The following OR8K3 variants were observed in gnomAD, a reference collection of about 807,000 sequenced individuals.
OR8K3 encodes the protein olfactory receptor family 8 subfamily K member 3 (gene/pseudogene), also known as olfactory receptor 8K3.
For synonymous variants in OR8K3, 167 were observed against 138.8 expected, an observed-to-expected ratio of 1.20 and a Z score of -1.43; for missense variants, 448 against 367.4, an observed-to-expected ratio of 1.22 and a Z score of -1.79.
intron 2 of OR8K3, among the ~76,000 whole-genome samples, chr11:56,317,625 G>A (rs937387149): frequency 2.0e-5 from 3 of 151,996 alleles, no homozygotes; most frequent in Admixed American, 6.6e-5. Flanking sequence ...TGGAATCTGT[G>A]ACAGAAATTT....
rs1428346846 is a variant in OR8K3 at position 56,318,349 on chromosome 11, A to G, written c.43A>G (p.Thr15Ala). Residue 15 changes from threonine to alanine, a missense_variant, in exon 3 of 3, where the codon ACG becomes GCG. Transcript: ENST00000641662. ...AACAACGGTGAATGAATTCATTCTTACGGGAATCACAGATATCGCTGAGCT... is the reference window on the plus strand; with the variant it reads ...AACAACGGTGAATGAATTCATTCTTGCGGGAATCACAGATATCGCTGAGCT... ...NLTTVNEFIL[T>A]GITDIAELQA... 1.9e-6 allele frequency: 3 copies of G among 1,613,922 alleles called. No homozygotes were observed. The East Asian group carries it at 6.7e-5, about 36-fold the overall frequency.
chr11:56,319,507 A>AAAAAGGGAGAC lies in OR8K3; in HGVS notation c.*265_*275dup, dbSNP rs1854496725. 8.5e-6 allele frequency: 3 copies of AAAAAGGGAGAC among 351,062 alleles called. No homozygotes were observed. In the East Asian group the frequency reaches 1.4e-4, roughly 17 times the overall value. 21.7% of individuals were successfully genotyped at this position (351,062 alleles called of 1,614,324 possible). A position where few individuals can be genotyped will look rare whatever the true frequency, so the allele number is the denominator to read the frequency against. ...TGTGCACGATGGATATAGACAAAGA[A>AAAAAGGGAGAC]AAAAGGGAGACAAGGAAAGCTAGTA... On this transcript the variant is annotated 3_prime_UTR_variant, in exon 3 of 3. Transcript: ENST00000641662.
Position 56,319,606 on chromosome 11 carries a change from C to A in OR8K3, c.*361C>A, listed in dbSNP as rs1049017047. ...GGATTCCAGTGTTTTTTATCTGCTA[C>A]TGGAATAAAATTTACAGTGTGTGTG... On this transcript the variant is annotated 3_prime_UTR_variant, in exon 3 of 3. Coordinates refer to ENST00000641662, the MANE Select transcript of OR8K3 (RefSeq NM_001005202.2). The A allele has an allele frequency of 4.8e-5, 9 of 189,318 alleles. No homozygotes were observed. Among genetic ancestry groups the A allele is most frequent in the Non-Finnish European group, 9.9e-5 (9 of 90,858 alleles). The allele number at this position is 189,318 out of a possible 1,614,324, so 11.7% of individuals were successfully genotyped here.
At chr11:56,317,192 G>A (rs762651710) in intron 2 of OR8K3, among the ~76,000 whole-genome samples, 17 of 151,974 alleles carry the variant, frequency 1.1e-4, no homozygotes, top group Non-Finnish European at 2.2e-4. Flanking sequence ...GTAAGGCATT[G>A]TCACAATTAA....
intron 2 of OR8K3, among the ~76,000 whole-genome samples, chr11:56,318,030 C>T (rs1335270729): frequency 1.3e-5 from 2 of 152,086 alleles, no homozygotes; most frequent in Non-Finnish European, 1.5e-5. Flanking sequence ...GGCCCACCTC[C>T]AAATTGTGAT....
Position 56,320,107 on chromosome 11 carries a change from G to A in OR8K3, c.*862G>A, listed in dbSNP as rs1854506111. ...TGTGGTTAAAATTTGTGTTCCAGTT[G>A]TTTTTACATCTTTGAGGAGGGGGAC... On this transcript the variant is annotated 3_prime_UTR_variant, in exon 3 of 3. Transcript: ENST00000641662. 1 of 152,120 alleles carries A rather than the reference G, an allele frequency of 6.6e-6. No homozygotes were observed. Among genetic ancestry groups the A allele is most frequent in the Non-Finnish European group, 1.5e-5 (1 of 68,016 alleles). 9.4% of individuals were successfully genotyped at this position (152,120 alleles called of 1,614,324 possible).
At chr11:56,316,228 T>C (rs1854441376) in intron 2 of OR8K3, among the ~76,000 whole-genome samples, 171 bp downstream of exon 2, 2 of 151,978 alleles carry the variant, frequency 1.3e-5, no homozygotes, top group Non-Finnish European at 2.9e-5. Context: ...GGTGTGTTCA[T>C]TGAGTCAGGG....
At chr11:56,315,961 A>C (rs1379913315) in intron 1 of OR8K3, 39 bp from the exon 2 acceptor site, 2 of 152,078 alleles carry the variant, frequency 1.3e-5, no homozygotes, top group Non-Finnish European at 2.9e-5. Context: ...CAACAAAGAC[A>C]GCAAAATATG....
In OR8K3 at chr11:56,320,006, C is replaced by T. The variant is rs1438875629; in HGVS notation, c.*761C>T. 1 of 152,120 alleles carries T rather than the reference C, an allele frequency of 6.6e-6. No individual in the cohort carries two copies. Among genetic ancestry groups the T allele is most frequent in the Non-Finnish European group, 1.5e-5 (1 of 68,026 alleles). The allele number at this position is 152,120 out of a possible 1,614,324, so 9.4% of individuals were successfully genotyped here. On this transcript the variant is annotated 3_prime_UTR_variant, in exon 3 of 3. Coordinates refer to ENST00000641662, the MANE Select transcript of OR8K3 (RefSeq NM_001005202.2). Reference sequence around the variant, plus strand: ...ATAGAAATTCTCAGGTTTATTCTTTCTCTCTAGTTGTTCTTGCTTAATAAC... The same window carrying T: ...ATAGAAATTCTCAGGTTTATTCTTTTTCTCTAGTTGTTCTTGCTTAATAAC...
At position 56,318,229 on chromosome 11, in the gene OR8K3, A is replaced by T. The variant is rs968683547; in HGVS notation, c.-23-55A>T. The T allele has an allele frequency of 5.1e-6, 5 of 988,204 alleles. No individual in the cohort carries two copies. In the African/African-American group the frequency reaches 6.5e-5, roughly 13 times the overall value. The allele number at this position is 988,204 out of a possible 1,614,324, so 61.2% of individuals were successfully genotyped here. A position where few individuals can be genotyped will look rare whatever the true frequency, so the allele number is the denominator to read the frequency against. On this transcript the variant is annotated intron_variant, in intron 2 of 2. Coordinates refer to ENST00000641662, the MANE Select transcript of OR8K3 (RefSeq NM_001005202.2). ...CTTCTGTTAGCTTTGCATACTAAAA[A>T]ATTTCTCAGGTGATGATAGAGGAAA... is the stretch of plus-strand genomic sequence containing the variant.
Position 56,318,450 on chromosome 11 carries a change from C to T in OR8K3, c.144C>T (p.Leu48=). 2 of 1,614,070 alleles carry T rather than the reference C, an allele frequency of 1.2e-6. No individual in the cohort carries two copies. The highest frequency in any genetic ancestry group is 1.7e-5 in the Admixed American group (1 of 59,998). Residue 48 remains leucine, a synonymous_variant, in exon 3 of 3, where the codon CTC becomes CTT. Coordinates refer to ENST00000641662, the MANE Select transcript of OR8K3 (RefSeq NM_001005202.2). ...TGGGCAATTTGGGCATGATTGTCCT[C>T]ACCAAGTTGGACTCCAGGTTGCAAA... ...SVMGNLGMIV[L]TKLDSRLQTP...
At chr11:56,317,217 A>G (rs1475321909) in intron 2 of OR8K3, among the ~76,000 whole-genome samples, 3 of 152,130 alleles carry the variant, frequency 2.0e-5, no homozygotes, top group African/African-American at 4.8e-5. Flanking sequence ...AATAACAAGA[A>G]GAAGAAAACT....
intron 2 of OR8K3, among the ~76,000 whole-genome samples, chr11:56,316,538 T>C: frequency 6.6e-6 from 1 of 152,052 alleles, no homozygotes. Flanking sequence ...TATATATTTA[T>C]TCGATTATAC....
chr11:56,315,314 T>A (rs1854428156), intron 1 of OR8K3, 147 bp downstream of exon 1: 1 of 152,170 alleles, frequency 6.6e-6, no homozygotes, highest in South Asian at 2.1e-4. Flanking sequence ...TTCTCCGGGA[T>A]TTCTGTTACT....
chr11:56,319,170 C>G lies in OR8K3; in HGVS notation c.864C>G (p.Ile288Met), dbSNP rs928738846. 1 of 1,612,990 alleles carries G rather than the reference C, an allele frequency of 6.2e-7. No homozygotes were observed. Among genetic ancestry groups the G allele is most frequent in the African/African-American group, 1.3e-5 (1 of 74,996 alleles). The part of the protein sequence containing the change: ...TLVIPMLNPL[I>M]YSLRNKDVKY... ...TTATCCCCATGTTGAATCCCTTGAT[C>G]TATAGTTTACGAAACAAAGATGTAA... The change falls in exon 3 of 3, where the codon ATC (isoleucine) becomes ATG (methionine). Residue 288 changes from isoleucine (I) to methionine (M), a missense_variant. Transcript: ENST00000641662.
chr11:56,318,151 T>C (rs536493696), intron 2 of OR8K3, 133 bp from the exon 3 acceptor site: 365 of 546,112 alleles, frequency 6.7e-4, no homozygotes, highest in Non-Finnish European at 1.1e-3. Flanking sequence ...AACATGTTTT[T>C]ATTTGTGAGA....
At chr11:56,315,430 C>G (rs977177604) in intron 1 of OR8K3, among the ~76,000 whole-genome samples, 1 of 152,212 alleles carries the variant, frequency 6.6e-6, no homozygotes, top group Admixed American at 6.5e-5. Flanking sequence ...GAAACATTAT[C>G]ATGATATTGT....
In OR8K3 at chr11:56,320,576, GA is replaced by G. The variant is rs1335700492; in HGVS notation, c.*1333del. 2.6e-5 allele frequency: 4 copies of G among 152,092 alleles called. No homozygotes were observed. The highest frequency in any genetic ancestry group is 4.8e-5 in the African/African-American group (2 of 41,410). The allele number at this position is 152,092 out of a possible 1,614,324, so 9.4% of individuals were successfully genotyped here. A position where few individuals can be genotyped will look rare whatever the true frequency, so the allele number is the denominator to read the frequency against. On this transcript the variant is annotated 3_prime_UTR_variant, in exon 3 of 3. Transcript: ENST00000641662. ...CATGTGCAGCCAAAGAAACACTAAT[GA>G]ATATATCTCATTGGAATAAATTAAA...
At chr11:56,317,393 A>G (rs1371806554) in intron 2 of OR8K3, among the ~76,000 whole-genome samples, 1 of 152,110 alleles carries the variant, frequency 6.6e-6, no homozygotes, top group Admixed American at 6.6e-5. Context: ...TAACCTTTCA[A>G]ATATGACATA....
Sources: allele counts gnomAD v4.1 joint callset (sites outside exome capture counted in the v4.1 genomes callset), GRCh38; gene constraint gnomAD v4.1.1; transcripts MANE v1.5; gene names NCBI Gene and HGNC (gene_info 2026-07-23, HGNC 2026-07-21).